The following CDH18 variants were observed in gnomAD, a reference collection of about 807,000 sequenced individuals.
CDH18 encodes the protein cadherin 18.
A neutral mutation model predicts 67.9 loss-of-function variants in CDH18; 31 were observed. The ratio of observed to expected loss-of-function variants is 0.46; its 90% CI spans 0.34 to 0.62. The LOEUF (loss-of-function observed/expected upper bound fraction) is 0.62. CDH18 is among the 20% of genes least tolerant of loss of function. The pLI, the probability that CDH18 is intolerant of heterozygous loss-of-function variation, is 0.01. For missense variants in CDH18, 890 were observed against 975.5 expected, an observed-to-expected ratio of 0.91 and a Z score of 1.17; for synonymous variants, 362 against 347.2, an observed-to-expected ratio of 1.04 and a Z score of -0.48.
intron 2 of CDH18, among the ~76,000 whole-genome samples, chr5:20,140,672 T>C (rs1297367365): frequency 2.0e-5 from 3 of 152,108 alleles, no homozygotes; most frequent in Non-Finnish European, 2.9e-5. Flanking sequence ...AATGTTGTTC[T>C]GTGACGACAG....
At chr5:19,860,530 C>A (rs953233952) in intron 2 of CDH18, among the ~76,000 whole-genome samples, 4 of 149,802 alleles carry the variant, frequency 2.7e-5, no homozygotes, top group Non-Finnish European at 5.9e-5. Context: ...AAAAAAATAC[C>A]ATTTTTATAT....
At chr5:20,292,805 CTGTG>C (rs1747202816) in intron 1 of CDH18, among the ~76,000 whole-genome samples, 1 of 152,104 alleles carries the variant, frequency 6.6e-6, no homozygotes, top group African/African-American at 2.4e-5. Context: ...ATCATCTTCC[CTGTG>C]TGTGTGTTAC....
At chr5:20,428,268 C>T (rs899517101) in intron 1 of CDH18, among the ~76,000 whole-genome samples, 2 of 148,240 alleles carry the variant, frequency 1.3e-5, no homozygotes, top group Non-Finnish European at 2.9e-5. Context: ...CTGAAAAGGA[C>T]ATGAACTCAT....
chr5:19,743,563 A>C (rs1399737847), intron 4 of CDH18, among the ~76,000 whole-genome samples: 1 of 152,196 alleles, frequency 6.6e-6, no homozygotes, highest in Non-Finnish European at 1.5e-5. Context: ...AGAGCAGGAC[A>C]GATTTGTTCC....
chr5:20,280,225 ATACTTT>A (rs1198210304), intron 1 of CDH18, among the ~76,000 whole-genome samples: 2 of 150,624 alleles, frequency 1.3e-5, no homozygotes, highest in South Asian at 4.2e-4. Flanking sequence ...TTTTTTTATT[ATACTTT>A]AAGTTTTAGG....
At chr5:20,055,543 A>C (rs947756238) in intron 2 of CDH18, among the ~76,000 whole-genome samples, 3 of 152,230 alleles carry the variant, frequency 2.0e-5, no homozygotes, top group African/African-American at 7.2e-5. Flanking sequence ...AGTTGCTCTA[A>C]GTATTTGTAT....
intron 5 of CDH18, among the ~76,000 whole-genome samples, chr5:19,633,465 T>C (rs1012993987): frequency 1.3e-5 from 2 of 152,204 alleles, no homozygotes; most frequent in African/African-American, 4.8e-5. Flanking sequence ...GTGTTACATT[T>C]TTATATTATA....
At chr5:20,499,363 T>C (rs977655870) in intron 1 of CDH18, among the ~76,000 whole-genome samples, 3 of 152,166 alleles carry the variant, frequency 2.0e-5, no homozygotes, top group African/African-American at 7.2e-5. Context: ...GTTTTATATG[T>C]ATTATTTTTA....
intron 1 of CDH18, among the ~76,000 whole-genome samples, chr5:20,336,905 G>A (rs918391441): frequency 1.3e-5 from 2 of 152,164 alleles, no homozygotes; most frequent in Non-Finnish European, 2.9e-5. Context: ...GATTCCCCAT[G>A]GGTTTTGCTC....
chr5:19,986,537 G>A lies in CDH18; in HGVS notation c.-376+1549C>T, dbSNP rs892328162. On this transcript the variant is annotated intron_variant, in intron 1 of 12. Transcript: ENST00000382275. ...TTAAGTTGGCTATCTCTGAGAAAAA[G>A]CATCAGAAGTATAGTTCATAAAATA... Among the ~76,000 whole-genome samples, 18 of 152,250 alleles carry A rather than the reference G, an allele frequency of 1.2e-4. No homozygotes were observed. In the Middle Eastern group the frequency reaches 0.01, roughly 86 times the overall value.
intron 1 of CDH18, among the ~76,000 whole-genome samples, chr5:20,483,549 T>A (rs929246478): frequency 6.6e-6 from 1 of 151,630 alleles, no homozygotes; most frequent in African/African-American, 2.4e-5. Flanking sequence ...CAAAACAGCA[T>A]GGTACTGGCA....
In CDH18 at chr5:19,637,641, T is replaced by C. The variant is rs139128377; in HGVS notation, c.644-25040A>G. Reference sequence around the variant, plus strand: ...CTCTGTCGTCAATACCTAATCACCCTTACTGTCTCACTGGGTTCCTCGTCA... The same window carrying C: ...CTCTGTCGTCAATACCTAATCACCCCTACTGTCTCACTGGGTTCCTCGTCA... On this transcript the variant is annotated intron_variant, in intron 5 of 12. Coordinates refer to ENST00000382275, the MANE Select transcript of CDH18 (RefSeq NM_004934.5). Among the ~76,000 whole-genome samples, 19 of 152,312 alleles carry C rather than the reference T, an allele frequency of 1.2e-4. No individual in the cohort carries two copies. The East Asian group carries it at 3.5e-3, about 28-fold the overall frequency.
chr5:19,995,186 C>G (rs571668252), intron 2 of CDH18, among the ~76,000 whole-genome samples: 3 of 152,022 alleles, frequency 2.0e-5, no homozygotes, highest in Admixed American at 2.0e-4. Context: ...CTTGGACACA[C>G]TTTGAAGTAC....
rs1737759640 is a variant in CDH18 at position 19,472,773 on chromosome 5, C to T, written c.*453G>A. On this transcript the variant is annotated 3_prime_UTR_variant, in exon 13 of 13. Transcript: ENST00000382275. ...TAACAGAGTGTGGTTCTCAAGGTTT[C>T]ACCCAGAAAAGTGATAAAAGAGGTT... Among the ~76,000 whole-genome samples, 1 of 152,078 alleles carries T rather than the reference C, an allele frequency of 6.6e-6. No individual in the cohort carries two copies. Among genetic ancestry groups the T allele is most frequent in the Non-Finnish European group, 1.5e-5 (1 of 68,018 alleles).
chr5:20,561,474 C>A (rs1344341917), intron 1 of CDH18, among the ~76,000 whole-genome samples: 1 of 152,018 alleles, frequency 6.6e-6, no homozygotes, highest in Non-Finnish European at 1.5e-5. Context: ...ACCTTAAATT[C>A]ATCTTACTAA....
chr5:19,736,751 G>A (rs1013251173), intron 4 of CDH18, among the ~76,000 whole-genome samples: 2 of 152,174 alleles, frequency 1.3e-5, no homozygotes, highest in Non-Finnish European at 2.9e-5. Flanking sequence ...GAGTAGCACC[G>A]CTTTTATGAA....
At position 20,518,563 on chromosome 5, in the gene CDH18, G is replaced by A. The variant is rs542942273; in HGVS notation, c.-580+56899C>T. On this transcript the variant is annotated intron_variant, in intron 1 of 14. Coordinates refer to the CDH18 transcript ENST00000507958. ...GGAAGATGTCTGCCTGACACGTGGC[G>A]TTTCAATGGACTAAGCATTTTGTAG... 7.9e-5 allele frequency among the ~76,000 whole-genome samples: 12 copies of A among 152,218 alleles called. No homozygotes were observed. The East Asian group carries it at 1.4e-3, about 17-fold the overall frequency.
chr5:20,482,877 C>A (rs1403803546), intron 1 of CDH18, among the ~76,000 whole-genome samples: 2 of 152,098 alleles, frequency 1.3e-5, no homozygotes, highest in East Asian at 3.9e-4. Flanking sequence ...GACAAGGATG[C>A]CCATTTTCAC....
chr5:19,727,813 C>T (rs1767046936), intron 4 of CDH18, among the ~76,000 whole-genome samples: 1 of 152,120 alleles, frequency 6.6e-6, no homozygotes, highest in African/African-American at 2.4e-5. Flanking sequence ...AAGTAGATTA[C>T]AGTAAATAAA....
Sources: gnomAD v4.1 joint callset for allele counts (sites outside exome capture counted in the v4.1 genomes callset) on GRCh38, gnomAD v4.1.1 for gene constraint, MANE v1.5 for transcripts, NCBI Gene and HGNC (gene_info 2026-07-23, HGNC 2026-07-21) for gene names.